PTCHD4: variants seen among roughly 807,000 people sequenced by gnomAD.
PTCHD4 encodes patched domain-containing protein 4.
Under a neutral mutation model 58.1 loss-of-function variants are expected in PTCHD4, and 33 were observed. The ratio of observed to expected loss-of-function variants is 0.57; its 90% confidence interval spans 0.43 to 0.76. PTCHD4 has a LOEUF of 0.76. Ranked by LOEUF, PTCHD4 falls within the 30% of genes least tolerant of loss-of-function variation. The probability of loss-of-function intolerance (pLI) is 0.00; values close to 1 mark genes in which losing one functional copy is unlikely to be tolerated. For missense variants in PTCHD4, 1,058 were observed against 1,027.1 expected (o/e 1.03, Z -0.41); for synonymous variants, 478 against 409.6 (o/e 1.17, Z -2.02).
At chr6:48,073,423 G>T (rs760631151) in intron 1 of PTCHD4, among the ~76,000 whole-genome samples, 16 of 152,164 alleles carry the variant, frequency 1.1e-4, no homozygotes, top group Admixed American at 2.0e-4. Flanking sequence ...CATAAATATA[G>T]ATTACATTTA....
At position 48,008,892 on chromosome 6, in the gene PTCHD4, A is replaced by C; in HGVS notation, c.640T>G (p.Leu214Val). Residue 214 changes from leucine to valine, a missense_variant, in exon 4 of 5, where the codon TTA becomes GTA. Transcript: ENST00000339488. ...TCCCTCCAGAGGCTAAAGGATGCTA[A>C]AGAGTAGAGCTGGAGTTCTTGATGC... ...EEHQELQLYSLASFSLWRDFH... is the reference protein window; with the variant it reads ...EEHQELQLYSVASFSLWRDFH... The C allele has an allele frequency of 1.9e-6, 3 of 1,614,002 alleles. No individual in the cohort carries two copies. The highest frequency in any genetic ancestry group is 2.5e-6 in the Non-Finnish European group (3 of 1,179,896).
chr6:48,083,750 C>A (rs1326356451), intron 1 of PTCHD4, among the ~76,000 whole-genome samples: 1 of 152,170 alleles, frequency 6.6e-6, no homozygotes, highest in African/African-American at 2.4e-5. Flanking sequence ...TATCTAAGAG[C>A]TAAGATTAGC....
intron 4 of PTCHD4, among the ~76,000 whole-genome samples, chr6:47,942,644 A>AAAC (rs562260442): frequency 2.2e-4 from 34 of 152,282 alleles, no homozygotes; most frequent in East Asian, 5.8e-4. Flanking sequence ...CTCAAAAAGC[A>AAAC]AACAACAACA....
chr6:47,913,915 T>A (rs1385897130), intron 4 of PTCHD4, among the ~76,000 whole-genome samples: 1 of 152,110 alleles, frequency 6.6e-6, no homozygotes, highest in East Asian at 1.9e-4. Context: ...ATGCAGGTTA[T>A]CTCTGAGGTA....
Position 48,008,856 on chromosome 6 carries a change from T to C in PTCHD4, c.676A>G (p.Thr226Ala), listed in dbSNP as rs750090331. The change falls in exon 4 of 5, where the codon ACC becomes GCC. Residue 226 changes from threonine (T) to alanine (A), a missense_variant. Thr to Ala is a moderately conservative substitution (Grantham distance 58). Coordinates refer to ENST00000339488, the MANE Select transcript of PTCHD4 (RefSeq NM_001384253.1). The stretch of plus-strand genomic sequence containing the variant: ...ACCTTGCTTCTGGCCAGGATGCTGG[T>C]CTTATGAAAGTCCCTCCAGAGGCTA... ...SFSLWRDFHK[T>A]SILARSKVLV... The C allele has an allele frequency of 2.5e-6, 4 of 1,613,882 alleles. No individual in the cohort carries two copies. Among genetic ancestry groups the C allele is most frequent in the African/African-American group, 1.3e-5 (1 of 74,950 alleles).
chr6:48,103,312 C>A lies in PTCHD4; in HGVS notation c.-970+7737G>T, dbSNP rs188570424. 4.7e-3 allele frequency among the ~76,000 whole-genome samples: 715 copies of A among 152,350 alleles called. 1 individual carries two copies. The highest frequency in any genetic ancestry group is 0.018 in the South Asian group (87 of 4,832). ...CGGTTCACCAATATCCGCTGTTCTG[C>A]AGCTACTGCTGCTGATACCCAGGCA... On this transcript the variant is annotated intron_variant, in intron 1 of 4. Transcript: ENST00000339488.
intron 3 of PTCHD4, among the ~76,000 whole-genome samples, chr6:48,024,668 G>T (rs1169702306): frequency 6.6e-6 from 1 of 152,116 alleles, no homozygotes; most frequent in Non-Finnish European, 1.5e-5. Flanking sequence ...ATCTGCTTTT[G>T]TTTCAGGCAC....
chr6:47,982,998 A>C (rs1307315951), intron 4 of PTCHD4, among the ~76,000 whole-genome samples: 1 of 152,236 alleles, frequency 6.6e-6, no homozygotes, highest in Non-Finnish European at 1.5e-5. Context: ...TATTATGTAC[A>C]TGACAAAGCA....
At chr6:47,937,991 A>G (rs1766068043) in intron 4 of PTCHD4, among the ~76,000 whole-genome samples, 2 of 152,066 alleles carry the variant, frequency 1.3e-5, no homozygotes, top group East Asian at 1.9e-4. Flanking sequence ...CATCTCTACT[A>G]AAAATACAAA....
rs573020513 is a variant in PTCHD4 at position 48,058,615 on chromosome 6, G to A, written c.417+9615C>T. ...TGGAAAAGAAAGTAAGCCAGCAAAC[G>A]GTAGAGAACCATCAGAGAAATAGAA... On this transcript the variant is annotated intron_variant, in intron 3 of 4. Transcript: ENST00000339488. 4.4e-4 allele frequency among the ~76,000 whole-genome samples: 67 copies of A among 152,196 alleles called. 3 individuals are homozygous for A. The highest frequency in any genetic ancestry group is 1.4e-3 in the African/African-American group (58 of 41,524).
chr6:48,066,887 G>T (rs1054945677), intron 3 of PTCHD4, among the ~76,000 whole-genome samples: 20 of 150,256 alleles, frequency 1.3e-4, no homozygotes, highest in African/African-American at 4.6e-4. Context: ...TTAGGAAAAA[G>T]ATTTTTTCTC....
chr6:48,052,660 A>C (rs1265613061), intron 3 of PTCHD4, among the ~76,000 whole-genome samples: 3 of 152,056 alleles, frequency 2.0e-5, no homozygotes, highest in Non-Finnish European at 4.4e-5. Flanking sequence ...GGCATTGCAA[A>C]ATATAAGGCA....
At chr6:47,894,575 A>T (rs1423316564) in intron 4 of PTCHD4, among the ~76,000 whole-genome samples, 2 of 152,376 alleles carry the variant, frequency 1.3e-5, no homozygotes, top group East Asian at 3.9e-4. Context: ...TGCCCTTGGC[A>T]CTTACTAAAC....
chr6:47,938,005 T>C (rs1406036416), intron 4 of PTCHD4, among the ~76,000 whole-genome samples: 2 of 151,864 alleles, frequency 1.3e-5, no homozygotes, highest in Non-Finnish European at 2.9e-5. Flanking sequence ...ATACAAAAAT[T>C]AGCAGGGCAT....
At chr6:47,888,214 G>T (rs977483014) in intron 4 of PTCHD4, among the ~76,000 whole-genome samples, 1 of 151,884 alleles carries the variant, frequency 6.6e-6, no homozygotes, top group African/African-American at 2.4e-5. Context: ...AAAATTAGCC[G>T]GGTGTGGTGG....
At chr6:48,034,941 T>C (rs1763576849) in intron 3 of PTCHD4, among the ~76,000 whole-genome samples, 1 of 152,152 alleles carries the variant, frequency 6.6e-6, no homozygotes, top group Non-Finnish European at 1.5e-5. Flanking sequence ...CATTTGCTGC[T>C]ACACACATTC....
At chr6:47,928,135 A>G (rs1765688129) in intron 4 of PTCHD4, among the ~76,000 whole-genome samples, 2 of 152,060 alleles carry the variant, frequency 1.3e-5, no homozygotes, top group Admixed American at 1.3e-4. Flanking sequence ...TTTCTGGACT[A>G]TTGCTTTTTC....
chr6:47,917,580 A>G (rs1056980524), intron 4 of PTCHD4, among the ~76,000 whole-genome samples: 4 of 152,168 alleles, frequency 2.6e-5, no homozygotes, highest in Non-Finnish European at 4.4e-5. Context: ...TGAAGAAAAC[A>G]CTTGATTCTA....
chr6:47,986,330 A>G (rs1300162586), intron 4 of PTCHD4, among the ~76,000 whole-genome samples: 4 of 152,172 alleles, frequency 2.6e-5, no homozygotes, highest in Non-Finnish European at 4.4e-5. Flanking sequence ...GTAAGTGTTC[A>G]TCACTGGGAC....
Sources: allele counts gnomAD v4.1 joint callset (sites outside exome capture counted in the v4.1 genomes callset), GRCh38; gene constraint gnomAD v4.1.1; transcripts MANE v1.5; gene names NCBI Gene and HGNC (gene_info 2026-07-23, HGNC 2026-07-21).